Variants in CHN1 observed in about 807,000 individuals in gnomAD.
The protein encoded by CHN1 is N-chimaerin.
In CHN1, 37 loss-of-function variants were observed where a neutral mutation model predicts 59.5. The ratio of observed to expected loss-of-function variants is 0.62; its 90% CI spans 0.48 to 0.82. CHN1 has a LOEUF of 0.82. Ranked by LOEUF, CHN1 falls within the 40% of genes least tolerant of loss-of-function variation. The probability of loss-of-function intolerance (pLI) is 0.00; values close to 1 mark genes in which losing one functional copy is unlikely to be tolerated. For synonymous variants in CHN1, 206 were observed against 200.4 expected (o/e 1.03, Z -0.24); for missense variants, 469 against 571.0 (o/e 0.82, Z 1.82).
chr2:174,839,387 T>C (rs890103981), intron 7 of CHN1, among the ~76,000 whole-genome samples: 1 of 152,128 alleles, frequency 6.6e-6, no homozygotes, highest in African/African-American at 2.4e-5. Context: ...GAGATGAACC[T>C]GGAGGACATG....
At chr2:174,911,061 T>G (rs1437147374) in intron 5 of CHN1, among the ~76,000 whole-genome samples, 1 of 152,170 alleles carries the variant, frequency 6.6e-6, no homozygotes, top group Non-Finnish European at 1.5e-5. Flanking sequence ...TAACATAGTA[T>G]TTGACATTAA....
chr2:174,893,387 T>C (rs1289360072), intron 5 of CHN1, among the ~76,000 whole-genome samples: 8 of 152,058 alleles, frequency 5.3e-5, no homozygotes, highest in Admixed American at 5.2e-4. Flanking sequence ...TCAAAAAGAA[T>C]AAAATACTTA....
At chr2:174,829,467 A>T (rs1383126169) in intron 7 of CHN1, among the ~76,000 whole-genome samples, 1 of 152,256 alleles carries the variant, frequency 6.6e-6, no homozygotes, top group Non-Finnish European at 1.5e-5. Flanking sequence ...CCTGCTTCTC[A>T]TCATGTTTAC....
Position 174,915,101 on chromosome 2 carries a change from G to A in CHN1, c.217C>T (p.Arg73Trp), listed in dbSNP as rs747250282. The change falls in exon 5 of 13, where the codon CGG becomes TGG. Residue 73 changes from arginine (R) to tryptophan (W), a missense_variant. By Grantham distance (101) the Arg-to-Trp change is moderately radical. Around this residue, in one of 5 missense-constraint regions of CHN1, gnomAD observed 152 missense variants for 166.1 expected, o/e 0.92. Coordinates refer to ENST00000409900, the MANE Select transcript of CHN1 (RefSeq NM_001822.7). Reference sequence around the variant, plus strand: ...GTCCCTGGCTGCCGCTGGCTCTCCCGGATGAGGTAGCTCCCCTCAGCCACA... The same window carrying A: ...GTCCCTGGCTGCCGCTGGCTCTCCCAGATGAGGTAGCTCCCCTCAGCCACA... ...LIVAEGSYLI[R>W]ESQRQPGTYT... 23 of 1,611,508 alleles carry A rather than the reference G, an allele frequency of 1.4e-5. No homozygotes were observed. Among genetic ancestry groups the A allele is most frequent in the Non-Finnish European group, 1.6e-5 (19 of 1,178,966 alleles).
intron 3 of CHN1, among the ~76,000 whole-genome samples, chr2:174,940,785 T>G: frequency 6.6e-6 from 1 of 152,224 alleles, no homozygotes; most frequent in Non-Finnish European, 1.5e-5. Flanking sequence ...TTTTTCTCTA[T>G]GCAATTAACA....
rs1370050516 is a variant in CHN1 at position 174,901,634 on chromosome 2, T to A, written c.260+13424A>T. Among the ~76,000 whole-genome samples the A allele has an allele frequency of 2.0e-5, 3 of 152,212 alleles. No homozygotes were observed. In the South Asian group the frequency reaches 6.2e-4, roughly 31 times the overall value. On this transcript the variant is annotated intron_variant, in intron 5 of 12. Transcript: ENST00000409900. ...ATCTTGACTGTTTTGTTTTTCCTTG[T>A]ATCTCCAGCACCTAGAAGGATATTG... is the stretch of plus-strand genomic sequence containing the variant.
At chr2:174,848,489 ATAAT>A (rs1686617684) in intron 6 of CHN1, among the ~76,000 whole-genome samples, 1 of 152,160 alleles carries the variant, frequency 6.6e-6, no homozygotes, top group South Asian at 2.1e-4. Flanking sequence ...TCATGCTATA[ATAAT>A]TAAGTTAAAC....
intron 7 of CHN1, among the ~76,000 whole-genome samples, chr2:174,843,949 A>AGTTT (rs1164319267): frequency 6.8e-6 from 1 of 147,466 alleles, no homozygotes; most frequent in African/African-American, 2.5e-5. Context: ...TTAATGTTAG[A>AGTTT]GTTTGTTTTG....
chr2:174,946,300 T>G (rs1689834155), intron 2 of CHN1, among the ~76,000 whole-genome samples: 1 of 152,174 alleles, frequency 6.6e-6, no homozygotes, highest in African/African-American at 2.4e-5. Flanking sequence ...TACATAAAAT[T>G]CTTTATAATA....
chr2:174,858,800 G>A (rs1686981637), intron 6 of CHN1, among the ~76,000 whole-genome samples: 7 of 152,044 alleles, frequency 4.6e-5, no homozygotes. Context: ...TATCTTAAGA[G>A]TGATTTGAGG....
intron 4 of CHN1, 88 bp downstream of exon 4, chr2:174,918,446 C>T: frequency 1.0e-6 from 1 of 974,730 alleles, no homozygotes; most frequent in Non-Finnish European, 1.4e-6. Context: ...TTGAATACTT[C>T]ATCTTGCTTT....
intron 5 of CHN1, among the ~76,000 whole-genome samples, chr2:174,885,110 AC>A (rs1687855025): frequency 6.6e-6 from 1 of 150,890 alleles, no homozygotes; most frequent in East Asian, 1.9e-4. Flanking sequence ...ACATGGTGAA[AC>A]CCCATCTCTA....
At chr2:174,970,369 T>A (rs1038967333) in intron 1 of CHN1, among the ~76,000 whole-genome samples, 4 of 152,156 alleles carry the variant, frequency 2.6e-5, no homozygotes, top group South Asian at 2.1e-4. Context: ...AGGTATTTAC[T>A]CCAGAATAAG....
chr2:174,943,190 GT>G (rs1336939739), intron 3 of CHN1, among the ~76,000 whole-genome samples: 2 of 148,738 alleles, frequency 1.3e-5, no homozygotes, highest in African/African-American at 5.1e-5. Context: ...GCTTGTGTGT[GT>G]GTGTGTGTGT....
In CHN1 at chr2:174,803,791, C is replaced by T. The variant is rs544887246; in HGVS notation, c.1103-1979G>A. ...CTGGTCTCAAACTCCTGGGCTCAAGCGATCCTCCTGCCTCAGCTTCTCAAA... is the reference window on the plus strand; with the variant it reads ...CTGGTCTCAAACTCCTGGGCTCAAGTGATCCTCCTGCCTCAGCTTCTCAAA... On this transcript the variant is annotated intron_variant, in intron 11 of 12. Transcript: ENST00000409900. 2.7e-4 allele frequency among the ~76,000 whole-genome samples: 41 copies of T among 152,054 alleles called. No homozygotes were observed. The South Asian group carries it at 4.4e-3, about 16-fold the overall frequency.
chr2:174,906,485 G>T (rs1358441603), intron 5 of CHN1, among the ~76,000 whole-genome samples: 1 of 152,114 alleles, frequency 6.6e-6, no homozygotes, highest in Non-Finnish European at 1.5e-5. Context: ...AGATGTAGAG[G>T]TTCTTTTCAG....
chr2:174,869,026 G>A (rs1400208601), intron 6 of CHN1, among the ~76,000 whole-genome samples: 14 of 152,166 alleles, frequency 9.2e-5, no homozygotes, highest in Non-Finnish European at 1.5e-5. Context: ...CCTGCTGGGG[G>A]ACCTGTTCAG....
chr2:174,896,545 T>C (rs1023096780), intron 5 of CHN1, among the ~76,000 whole-genome samples: 5 of 152,168 alleles, frequency 3.3e-5, no homozygotes, highest in African/African-American at 1.2e-4. Context: ...TCAATGAAAG[T>C]ATTTTAGTAA....
intron 5 of CHN1, among the ~76,000 whole-genome samples, chr2:174,878,637 T>G (rs527842694): frequency 6.6e-6 from 1 of 152,202 alleles, no homozygotes; most frequent in Non-Finnish European, 1.5e-5. Context: ...TAGAGCTGAC[T>G]CCAGAAACCT....
Sources: gnomAD v4.1 joint callset for allele counts (sites outside exome capture counted in the v4.1 genomes callset) on GRCh38, gnomAD v4.1.1 for gene constraint, gnomAD v4.1.1 regional missense constraint, MANE v1.5 for transcripts, NCBI Gene and HGNC (gene_info 2026-07-23, HGNC 2026-07-21) for gene names.